The following CUL4A variants were observed in gnomAD, a reference collection of about 807,000 sequenced individuals.
CUL4A encodes cullin-4A.
CUL4A carries 16 observed loss-of-function variants against 95.5 expected under a neutral mutation model. The ratio of observed to expected loss-of-function variants is 0.17; its 90% CI spans 0.11 to 0.25. The LOEUF (loss-of-function observed/expected upper bound fraction) is 0.25. CUL4A is among the 10% of genes least tolerant of loss of function. CUL4A has a pLI of 1.00. For missense variants in CUL4A, 610 were observed against 937.0 expected, an observed-to-expected ratio of 0.65 and a Z score of 4.56; for synonymous variants, 380 against 353.1, an observed-to-expected ratio of 1.08 and a Z score of -0.85.
intron 5 of CUL4A, among the ~76,000 whole-genome samples, chr13:113,232,050 C>CGCCCACCACTATTACTGCCACCACTACCT (rs2041340110): frequency 1.2e-5 from 1 of 84,654 alleles, no homozygotes; most frequent in African/African-American, 4.4e-5. Flanking sequence ...CACCACTACC[C>CGCCCACCACTATTACTGCCACCACTACCT]GCCCACCACC....
Position 113,233,965 on chromosome 13 carries a change from A to G in CUL4A, c.744A>G (p.Gln248=). 1 of 1,611,414 alleles carries G rather than the reference A, an allele frequency of 6.2e-7. No individual in the cohort carries two copies. The highest frequency in any genetic ancestry group is 8.5e-7 in the Non-Finnish European group (1 of 1,178,014). The part of the protein sequence containing the change: ...ETNCLYAAEG[Q]RLMQEREVPE... ...ATTGCTTATATGCTGCCGAAGGCCA[A>G]AGGTTAATGCAGGAAAGAGAGGTGA... is the stretch of plus-strand genomic sequence containing the variant. Residue 248 remains glutamine (Q), a synonymous_variant, in exon 7 of 20, where the codon CAA becomes CAG. Coordinates refer to ENST00000375440, the MANE Select transcript of CUL4A (RefSeq NM_001008895.4).
At chr13:113,233,841 C>T (rs2041448629) in intron 6 of CUL4A, 56 bp from the exon 7 acceptor site, 1 of 1,012,918 alleles carries the variant, frequency 9.9e-7, no homozygotes, top group East Asian at 2.4e-5. Flanking sequence ...TGTGTTAGCA[C>T]TTGTGAAGAT....
intron 3 of CUL4A, among the ~76,000 whole-genome samples, chr13:113,224,435 T>G (rs1356831182): frequency 2.6e-5 from 4 of 152,188 alleles, no homozygotes; most frequent in African/African-American, 9.6e-5. Context: ...TTCCTTCCCC[T>G]GGTTCACCTT....
chr13:113,211,753 C>T (rs1016186984), intron 2 of CUL4A, among the ~76,000 whole-genome samples: 5 of 152,184 alleles, frequency 3.3e-5, no homozygotes, highest in Non-Finnish European at 7.3e-5. Flanking sequence ...TATATTCTTA[C>T]TCCTCTCAGG....
chr13:113,249,764 C>T (rs1049449499), intron 15 of CUL4A, among the ~76,000 whole-genome samples: 3 of 152,218 alleles, frequency 2.0e-5, no homozygotes, highest in African/African-American at 7.2e-5. Context: ...CACCTGTGAT[C>T]TGCCTCTTTC....
At chr13:113,230,145 G>A (rs1464040935) in intron 5 of CUL4A, 1 of 159,240 alleles carries the variant, frequency 6.3e-6, no homozygotes, top group Non-Finnish European at 1.4e-5. Flanking sequence ...CGTCTGATTT[G>A]TCTTGTTCTC....
chr13:113,225,117 GTT>G (rs2041054106), intron 3 of CUL4A, among the ~76,000 whole-genome samples: 1 of 151,932 alleles, frequency 6.6e-6, no homozygotes, highest in Non-Finnish European at 1.5e-5. Context: ...TTTGTTTGCT[GTT>G]TGAAGACCTG....
intron 15 of CUL4A, among the ~76,000 whole-genome samples, chr13:113,247,372 T>C (rs2041884685): frequency 6.6e-6 from 1 of 152,204 alleles, no homozygotes; most frequent in Non-Finnish European, 1.5e-5. Flanking sequence ...CAGATTCTTC[T>C]TGGCCTCACT....
intron 5 of CUL4A, among the ~76,000 whole-genome samples, chr13:113,232,747 G>A (rs903268310): frequency 3.9e-5 from 6 of 152,192 alleles, no homozygotes; most frequent in African/African-American, 7.2e-5. Flanking sequence ...CTGCTGGGAC[G>A]TGCTCAGCAG....
At chr13:113,214,700 A>G (rs1334185094) in intron 2 of CUL4A, among the ~76,000 whole-genome samples, 1 of 152,088 alleles carries the variant, frequency 6.6e-6, no homozygotes, top group African/African-American at 2.4e-5. Context: ...TGAGTCACGG[A>G]GTAGTTGTCT....
chr13:113,223,569 G>C (rs1041973044), intron 3 of CUL4A, among the ~76,000 whole-genome samples: 1 of 152,122 alleles, frequency 6.6e-6, no homozygotes, highest in Non-Finnish European at 1.5e-5. Context: ...GGCTAATTTT[G>C]TATTTTTAGT....
intron 10 of CUL4A, among the ~76,000 whole-genome samples, chr13:113,241,846 C>T (rs554215179): frequency 6.6e-5 from 10 of 151,990 alleles, no homozygotes; most frequent in East Asian, 3.9e-4. Flanking sequence ...CCAGCTACCT[C>T]GCGTGTGTGT....
At chr13:113,247,681 C>T (rs1374434581) in intron 15 of CUL4A, among the ~76,000 whole-genome samples, 4 of 152,120 alleles carry the variant, frequency 2.6e-5, no homozygotes, top group Admixed American at 6.5e-5. Context: ...AGAACATGTG[C>T]GGGATGCTCA....
chr13:113,225,022 G>C (rs1468607633), intron 3 of CUL4A, among the ~76,000 whole-genome samples: 1 of 152,066 alleles, frequency 6.6e-6, no homozygotes, highest in Non-Finnish European at 1.5e-5. Context: ...CAGAAGCACC[G>C]TCTTTTTGCT....
rs750299052 is a variant in CUL4A at position 113,233,234 on chromosome 13, T to C, written c.570T>C (p.Ser190=). 2 of 1,613,980 alleles carry C rather than the reference T, an allele frequency of 1.2e-6. No homozygotes were observed. Among genetic ancestry groups the C allele is most frequent in the African/African-American group, 2.7e-5 (2 of 75,034 alleles). ...THIISDKMVQ[S]KTIDGILLLI... is the part of the protein sequence containing the mutation. ...TTATTAGTGATAAAATGGTTCAGAGTAAAACCATTGATGGAATCCTACTGC... is the reference window on the plus strand; with the variant it reads ...TTATTAGTGATAAAATGGTTCAGAGCAAAACCATTGATGGAATCCTACTGC... The change falls in exon 6 of 20, where the codon AGT becomes AGC. Residue 190 remains serine (S), a synonymous_variant. Transcript: ENST00000375440.
At chr13:113,226,455 G>A (rs768370752) in intron 3 of CUL4A, among the ~76,000 whole-genome samples, 4 of 152,324 alleles carry the variant, frequency 2.6e-5, no homozygotes, top group East Asian at 1.9e-4. Context: ...GAGATTTTCA[G>A]TGAGAGTGGA....
chr13:113,208,458 G>A (rs2040119001), upstream of CUL4A: 1 of 1,524,574 alleles, frequency 6.6e-7, no homozygotes, highest in Non-Finnish European at 8.8e-7. Context: ...TTCGGCTCGC[G>A]CGGCTGCCCG....
chr13:113,209,877 G>A (rs2040297891), intron 1 of CUL4A, 96 bp from the exon 2 acceptor site: 1 of 1,200,846 alleles, frequency 8.3e-7, no homozygotes, highest in Non-Finnish European at 1.0e-6. Flanking sequence ...GCGGGCCCCG[G>A]GAGCGGGGGC....
chr13:113,223,365 C>G (rs1391215705), intron 3 of CUL4A, among the ~76,000 whole-genome samples: 4 of 152,118 alleles, frequency 2.6e-5, no homozygotes, highest in African/African-American at 9.7e-5. Flanking sequence ...CTTCAAGTAA[C>G]TCTACTTTCT....
Sources: allele counts gnomAD v4.1 joint callset (sites outside exome capture counted in the v4.1 genomes callset), GRCh38; gene constraint gnomAD v4.1.1; transcripts MANE v1.5; gene names NCBI Gene and HGNC (gene_info 2026-07-23, HGNC 2026-07-21).